Variants in ASTN2 observed in about 807,000 individuals in gnomAD.
The protein encoded by ASTN2 is astrotactin 2, also known as astrotactin-2.
ASTN2 carries 54 observed loss-of-function variants against 139.8 expected under a neutral mutation model. The ratio of observed to expected loss-of-function variants is 0.39; its 90% confidence interval spans 0.31 to 0.48. The LOEUF is 0.48. Ranked by LOEUF, ASTN2 falls within the 20% of genes least tolerant of loss-of-function variation. ASTN2 has a pLI of 0.95. For missense variants in ASTN2, 1,565 were observed against 1,725.1 expected (o/e 0.91, Z 1.64); for synonymous variants, 756 against 719.5 (o/e 1.05, Z -0.81).
intron 13 of ASTN2, among the ~76,000 whole-genome samples, chr9:116,743,614 C>T (rs566019963): frequency 2.6e-5 from 4 of 152,200 alleles, no homozygotes; most frequent in South Asian, 2.1e-4. Flanking sequence ...CGGGTTCAAG[C>T]GATTCGCCTG....
At chr9:116,838,786 A>C (rs1438811381) in intron 11 of ASTN2, among the ~76,000 whole-genome samples, 5 of 152,164 alleles carry the variant, frequency 3.3e-5, no homozygotes, top group African/African-American at 1.2e-4. Flanking sequence ...TCTGAGCCTC[A>C]GTCTCCTTCA....
chr9:116,966,747 G>A (rs544179883), intron 10 of ASTN2, among the ~76,000 whole-genome samples: 1 of 148,388 alleles, frequency 6.7e-6, no homozygotes, highest in Non-Finnish European at 1.5e-5. Flanking sequence ...CCACGAAAAT[G>A]CTAATGCCCA....
At chr9:117,130,049 G>A (rs1467785735) in intron 4 of ASTN2, among the ~76,000 whole-genome samples, 1 of 152,154 alleles carries the variant, frequency 6.6e-6, no homozygotes, top group African/African-American at 2.4e-5. Flanking sequence ...GCACACGCCT[G>A]TAATCCCAGC....
intron 1 of ASTN2, among the ~76,000 whole-genome samples, chr9:117,320,501 G>C (rs7867074): frequency 6.6e-6 from 1 of 152,120 alleles, no homozygotes; most frequent in Non-Finnish European, 1.5e-5. Flanking sequence ...TTACTATACT[G>C]TCACAACCTA....
chr9:116,899,722 T>A (rs1833961332), intron 10 of ASTN2, among the ~76,000 whole-genome samples: 1 of 152,154 alleles, frequency 6.6e-6, no homozygotes, highest in African/African-American at 2.4e-5. Context: ...CCACACTGCC[T>A]TTGTAAAACA....
Position 116,532,773 on chromosome 9 carries a change from T to C in ASTN2, c.3356-45273A>G, listed in dbSNP as rs576712697. Among the ~76,000 whole-genome samples the C allele has an allele frequency of 9.1e-4, 139 of 152,354 alleles. 2 individuals carry two copies. The highest frequency in any genetic ancestry group is 3.3e-3 in the African/African-American group (137 of 41,578). ...TGTTTTGGTTACTATAGCCTTGTAG[T>C]ATAGTTTGAAGTCAGGTAGTGTGAT... On this transcript the variant is annotated intron_variant, in intron 19 of 22. Coordinates refer to ENST00000313400, the MANE Select transcript of ASTN2 (RefSeq NM_001365068.1).
chr9:116,499,328 G>A (rs1175902958), intron 19 of ASTN2, among the ~76,000 whole-genome samples: 4 of 152,130 alleles, frequency 2.6e-5, no homozygotes, highest in Admixed American at 1.3e-4. Context: ...AATCAAGGCA[G>A]GGATGATGCC....
At chr9:117,052,589 C>A (rs767065422) in intron 5 of ASTN2, among the ~76,000 whole-genome samples, 1 of 152,016 alleles carries the variant, frequency 6.6e-6, no homozygotes, top group Non-Finnish European at 1.5e-5. Context: ...CTCAAGAGAC[C>A]ACTTATAAAA....
chr9:116,626,335 C>G (rs1030055743), intron 17 of ASTN2, among the ~76,000 whole-genome samples: 1 of 151,312 alleles, frequency 6.6e-6, no homozygotes, highest in African/African-American at 2.4e-5. Flanking sequence ...ATCTCTGTGT[C>G]CCTACCTTCA....
chr9:116,861,794 T>C (rs1277438547), intron 11 of ASTN2, among the ~76,000 whole-genome samples: 1 of 152,070 alleles, frequency 6.6e-6, no homozygotes, highest in East Asian at 1.9e-4. Context: ...TAGTTGGAGG[T>C]ACTAGGAAAG....
rs569616324 is a variant in ASTN2, at chr9:116,825,756, G to C, written c.2041-4973C>G. 3.9e-5 allele frequency among the ~76,000 whole-genome samples: 6 copies of C among 152,310 alleles called. No homozygotes were observed. The East Asian group carries it at 7.7e-4, about 20-fold the overall frequency. Reference sequence around the variant, plus strand: ...TGTGAGAGAAACTCTCAACCTACTGGGGCCTTTGGCCTGACATACGAAGTG... The same window carrying C: ...TGTGAGAGAAACTCTCAACCTACTGCGGCCTTTGGCCTGACATACGAAGTG... On this transcript the variant is annotated intron_variant, in intron 11 of 22. Transcript: ENST00000313400.
In ASTN2 at chr9:116,817,633, A is replaced by G. The variant is rs1831367608; in HGVS notation, c.2207+2984T>C. Among the ~76,000 whole-genome samples, 3 of 152,236 alleles carry G rather than the reference A, an allele frequency of 2.0e-5. No homozygotes were observed. In the South Asian group the frequency reaches 6.2e-4, roughly 31 times the overall value. On this transcript the variant is annotated intron_variant, in intron 12 of 22. Transcript: ENST00000313400. The stretch of plus-strand genomic sequence containing the variant: ...CATGTTAATGGAGGAACTTTGCTTA[A>G]CAACTATTAATTGAAAACCTACTAT...
At chr9:116,592,278 G>A (rs1211927736) in intron 19 of ASTN2, among the ~76,000 whole-genome samples, 1 of 152,152 alleles carries the variant, frequency 6.6e-6, no homozygotes, top group South Asian at 2.1e-4. Context: ...GCCATGAAGC[G>A]TGGCTGAGGA....
intron 13 of ASTN2, among the ~76,000 whole-genome samples, chr9:116,751,790 A>G (rs1829409855): frequency 6.6e-6 from 1 of 152,178 alleles, no homozygotes; most frequent in South Asian, 2.1e-4. Context: ...ATACTTGGGT[A>G]TAAATCTAAC....
rs141523316 is a variant in ASTN2, at chr9:117,310,655, C to T, written c.443-19142G>A. On this transcript the variant is annotated intron_variant, in intron 1 of 22. Transcript: ENST00000313400. ...ATTGTTTGTTTGTTTTTTGAGATAG[C>T]GTCTCCTGCTCTGTTGTCCAGGCTG... 1.2e-4 allele frequency among the ~76,000 whole-genome samples: 19 copies of T among 152,164 alleles called. No homozygotes were observed. The East Asian group carries it at 3.1e-3, about 25-fold the overall frequency.
chr9:116,529,892 C>T (rs915980591), intron 19 of ASTN2, among the ~76,000 whole-genome samples: 1 of 151,928 alleles, frequency 6.6e-6, no homozygotes, highest in Non-Finnish European at 1.5e-5. Flanking sequence ...GTAAATTAAA[C>T]CTCTTTTGTT....
At chr9:117,297,303 G>A (rs1834760089) in intron 1 of ASTN2, among the ~76,000 whole-genome samples, 1 of 152,190 alleles carries the variant, frequency 6.6e-6, no homozygotes, top group Non-Finnish European at 1.5e-5. Flanking sequence ...GAAAGAGTTG[G>A]GAAAGGTAGT....
intron 11 of ASTN2, among the ~76,000 whole-genome samples, chr9:116,835,347 C>T (rs1391239378): frequency 1.4e-5 from 2 of 140,902 alleles, no homozygotes; most frequent in East Asian, 2.7e-4. Context: ...TCCCAAAACA[C>T]GTTTCTTGAC....
chr9:116,791,035 GAAAGAAAGA>G (rs1830539535), intron 13 of ASTN2, among the ~76,000 whole-genome samples: 2 of 98,066 alleles, frequency 2.0e-5, no homozygotes, highest in African/African-American at 3.5e-5. Flanking sequence ...AAGAAAGAAA[GAAAGAAAGA>G]AAAGAAAAGA....
Sources: allele counts gnomAD v4.1 joint callset (sites outside exome capture counted in the v4.1 genomes callset), GRCh38; gene constraint gnomAD v4.1.1; transcripts MANE v1.5; gene names NCBI Gene and HGNC (gene_info 2026-07-23, HGNC 2026-07-21).